The following NCAM2 variants were observed in gnomAD, a reference collection of about 807,000 sequenced individuals.
The protein encoded by NCAM2 is N-CAM-2.
NCAM2 carries 30 observed loss-of-function variants against 98.1 expected under a neutral mutation model. The observed-to-expected ratio is 0.31, with a 90% CI of 0.23 to 0.41. The LOEUF is 0.41. Among genes scored for constraint, NCAM2 ranks in the 10% least tolerant of loss-of-function variants. The pLI, the probability that NCAM2 is intolerant of heterozygous loss-of-function variation, is 1.00. For missense variants in NCAM2, 867 were observed against 1,005.8 expected (o/e 0.86, Z 1.87); for synonymous variants, 368 against 342.4 (o/e 1.07, Z -0.83).
chr21:21,139,718 A>T (rs1324423705), intron 1 of NCAM2, among the ~76,000 whole-genome samples: 1 of 152,276 alleles, frequency 6.6e-6, no homozygotes, highest in East Asian at 1.9e-4. Context: ...ATATAAAATA[A>T]ATATATAAAA....
At chr21:21,287,100 A>T (rs2073130293) in intron 4 of NCAM2, among the ~76,000 whole-genome samples, 1 of 151,976 alleles carries the variant, frequency 6.6e-6, no homozygotes, top group Admixed American at 6.6e-5. Context: ...TCTGAAATCG[A>T]ATGTATAATT....
intron 16 of NCAM2, among the ~76,000 whole-genome samples, chr21:21,511,122 C>T (rs964744605): frequency 2.2e-4 from 34 of 152,148 alleles, no homozygotes; most frequent in African/African-American, 7.9e-4. Context: ...GCTAGGAACA[C>T]ATTCCAATTC....
At chr21:21,080,952 A>G (rs748494045) in intron 1 of NCAM2, among the ~76,000 whole-genome samples, 4 of 152,124 alleles carry the variant, frequency 2.6e-5, no homozygotes, top group Non-Finnish European at 5.9e-5. Context: ...AATGAAGTAA[A>G]TTACACTTAG....
At chr21:21,126,236 T>TAAACAAAAAAAA (rs2066819832) in intron 1 of NCAM2, among the ~76,000 whole-genome samples, 1 of 97,564 alleles carries the variant, frequency 1.0e-5, no homozygotes, top group African/African-American at 3.8e-5. Context: ...TCATGGAACA[T>TAAACAAAAAAAA]AAAAAAAAAA....
intron 1 of NCAM2, among the ~76,000 whole-genome samples, chr21:21,209,167 G>T (rs557412189): frequency 1.3e-4 from 19 of 151,082 alleles, no homozygotes; most frequent in African/African-American, 4.6e-4. Context: ...CCTAGGCCAG[G>T]GTCAGGAATT....
intron 1 of NCAM2, among the ~76,000 whole-genome samples, chr21:21,107,998 A>C (rs1413181709): frequency 6.6e-6 from 1 of 152,066 alleles, no homozygotes; most frequent in Non-Finnish European, 1.5e-5. Context: ...CGTTGTAGGG[A>C]TTAGAGTACC....
chr21:21,346,924 AG>A (rs2075205931), intron 8 of NCAM2, among the ~76,000 whole-genome samples: 2 of 151,938 alleles, frequency 1.3e-5, no homozygotes, highest in South Asian at 4.1e-4. Flanking sequence ...TCAAAAAAAG[AG>A]GAAAAACTTC....
intron 12 of NCAM2, among the ~76,000 whole-genome samples, chr21:21,460,948 A>G (rs1982886344): frequency 1.3e-5 from 2 of 151,860 alleles, no homozygotes; most frequent in Admixed American, 1.3e-4. Context: ...AAAAAAATTA[A>G]AAAGTTTGTG....
At position 20,998,608 on chromosome 21, in the gene NCAM2, T is replaced by C; in HGVS notation, c.45T>C (p.Ser15=). ...LSFYLLGLLV[S]SGQALLQVTI... is the part of the protein sequence containing the mutation. ...TCTACCTGCTGGGGTTGCTTGTCAG[T>C]AGCGGGCAAGGTAGGAGTGTGGCGC... Residue 15 remains serine (S), a synonymous_variant, in exon 1 of 18, where the codon AGT becomes AGC. Transcript: ENST00000400546. 1 of 1,614,062 alleles carries C rather than the reference T, an allele frequency of 6.2e-7. No homozygotes were observed. The highest frequency in any genetic ancestry group is 8.5e-7 in the Non-Finnish European group (1 of 1,179,948).
At chr21:21,132,891 G>A (rs951891796) in intron 1 of NCAM2, among the ~76,000 whole-genome samples, 1 of 152,136 alleles carries the variant, frequency 6.6e-6, no homozygotes, top group African/African-American at 2.4e-5. Flanking sequence ...GCCACTTCCA[G>A]GGTAAAACCG....
intron 1 of NCAM2, among the ~76,000 whole-genome samples, chr21:21,171,798 G>A (rs191892724): frequency 6.6e-5 from 10 of 152,128 alleles, no homozygotes; most frequent in Admixed American, 3.9e-4. Flanking sequence ...TATTGTACTC[G>A]AGAATGCTAA....
chr21:21,458,620 A>C (rs1982504706), intron 12 of NCAM2, among the ~76,000 whole-genome samples: 1 of 152,218 alleles, frequency 6.6e-6, no homozygotes, highest in Admixed American at 6.5e-5. Flanking sequence ...GGCCGTCACC[A>C]GACACTGAAC....
intron 1 of NCAM2, among the ~76,000 whole-genome samples, chr21:21,093,335 A>G (rs1218346147): frequency 6.6e-6 from 1 of 152,028 alleles, no homozygotes; most frequent in Non-Finnish European, 1.5e-5. Context: ...ATGCTATTGG[A>G]CATTGTCATT....
intron 1 of NCAM2, among the ~76,000 whole-genome samples, chr21:21,146,556 T>TATATATATATATATACA (rs1491162572): frequency 2.7e-4 from 3 of 11,032 alleles, no homozygotes; most frequent in African/African-American, 4.9e-4. Flanking sequence ...GATATATATA[T>TATATATATATATATACA]GTATATATAT....
intron 1 of NCAM2, among the ~76,000 whole-genome samples, chr21:21,088,516 A>G (rs1216102712): frequency 6.6e-6 from 1 of 152,228 alleles, no homozygotes; most frequent in Non-Finnish European, 1.5e-5. Context: ...ACATAAAGGA[A>G]AAGTTCAAAC....
Position 21,537,877 on chromosome 21 carries a change from G to C in NCAM2, c.2434G>C (p.Glu812Gln). The change falls in exon 18 of 18, where the codon GAA becomes CAA. Residue 812 changes from glutamate to glutamine, a missense_variant. By Grantham distance (29) the Glu-to-Gln change is conservative (BLOSUM62 2). Transcript: ENST00000400546. ...KLPLKEEDGK[E>Q]ALNPETIEIK... is the part of the protein sequence containing the mutation. The stretch of plus-strand genomic sequence containing the variant: ...GCCTTTAAAGGAAGAAGATGGGAAA[G>C]AAGCTCTAAATCCAGAAACTATAGA... 1 of 1,572,448 alleles carries C rather than the reference G, an allele frequency of 6.4e-7. No individual in the cohort carries two copies. The highest frequency in any genetic ancestry group is 8.6e-7 in the Non-Finnish European group (1 of 1,158,812).
At chr21:21,408,361 T>C (rs2076785445) in intron 9 of NCAM2, among the ~76,000 whole-genome samples, 1 of 152,212 alleles carries the variant, frequency 6.6e-6, no homozygotes, top group East Asian at 1.9e-4. Context: ...GTACCACCAT[T>C]TATGGGATGT....
At chr21:21,205,488 G>A (rs1180997853) in intron 1 of NCAM2, among the ~76,000 whole-genome samples, 1 of 151,978 alleles carries the variant, frequency 6.6e-6, no homozygotes, top group Non-Finnish European at 1.5e-5. Context: ...CTTGTTTTAA[G>A]TTTAGATAAT....
chr21:21,462,116 G>A (rs1182554895), intron 12 of NCAM2, among the ~76,000 whole-genome samples: 1 of 152,030 alleles, frequency 6.6e-6, no homozygotes, highest in Non-Finnish European at 1.5e-5. Context: ...ATCTATCTGA[G>A]GGGATTAACA....
Sources: allele counts gnomAD v4.1 joint callset (sites outside exome capture counted in the v4.1 genomes callset), GRCh38; gene constraint gnomAD v4.1.1; transcripts MANE v1.5; gene names NCBI Gene and HGNC (gene_info 2026-07-23, HGNC 2026-07-21).